The following ST3GAL1 variants were observed in gnomAD, a reference collection of about 807,000 sequenced individuals.
ST3GAL1 encodes ST3 beta-galactoside alpha-2,3-sialyltransferase 1, also known as CMP-N-acetylneuraminate-beta-galactosamide-alpha-2,3-sialyltransferase 1.
Under a neutral mutation model 34.1 loss-of-function variants are expected in ST3GAL1, and 16 were observed. The ratio of observed to expected loss-of-function variants is 0.47; its 90% CI spans 0.32 to 0.71. The LOEUF (loss-of-function observed/expected upper bound fraction) is 0.71. ST3GAL1 is among the 30% of genes least tolerant of loss of function. The probability of loss-of-function intolerance (pLI) is 0.04; values close to 1 mark genes in which losing one functional copy is unlikely to be tolerated. For synonymous variants in ST3GAL1, 191 were observed against 184.7 expected (o/e 1.03, Z -0.28); for missense variants, 353 against 447.4 (o/e 0.79, Z 1.90).
intron 2 of ST3GAL1, among the ~76,000 whole-genome samples, chr8:133,535,697 C>T (rs958600006): frequency 1.3e-5 from 2 of 152,048 alleles, no homozygotes; most frequent in African/African-American, 4.8e-5. Context: ...CTATGTTGCC[C>T]AAGCTGGTTT....
chr8:133,568,867 G>T (rs529825469), intron 1 of ST3GAL1, among the ~76,000 whole-genome samples: 1 of 152,106 alleles, frequency 6.6e-6, no homozygotes, highest in Non-Finnish European at 1.5e-5. Context: ...GACCTAGAAG[G>T]ACTCCTTCCT....
At chr8:133,539,231 C>T (rs1032359529) in intron 2 of ST3GAL1, among the ~76,000 whole-genome samples, 3 of 152,190 alleles carry the variant, frequency 2.0e-5, no homozygotes, top group African/African-American at 7.2e-5. Context: ...GCCCTGTTCC[C>T]TGAGCCCAAG....
Position 133,516,707 on chromosome 8 carries a change from C to A in ST3GAL1, c.-428-17518G>T, listed in dbSNP as rs559939412. The stretch of plus-strand genomic sequence containing the variant: ...GCAGGGCAGCAATTATAAAAGTGGC[C>A]AGCCCAATGTCACAGCTAAAACACT... On this transcript the variant is annotated intron_variant, in intron 2 of 9. Coordinates refer to ENST00000522652, the MANE Select transcript of ST3GAL1 (RefSeq NM_173344.3). Among the ~76,000 whole-genome samples, 3 of 152,314 alleles carry A rather than the reference C, an allele frequency of 2.0e-5. No individual in the cohort carries two copies. The South Asian group carries it at 6.2e-4, about 32-fold the overall frequency.
chr8:133,499,597 A>G (rs1817082475), intron 2 of ST3GAL1, among the ~76,000 whole-genome samples: 2 of 152,172 alleles, frequency 1.3e-5, no homozygotes, highest in South Asian at 4.1e-4. Flanking sequence ...AAGGATGAGG[A>G]TGGGTGGGGT....
chr8:133,544,219 C>G (rs1818614154), intron 2 of ST3GAL1: 1 of 152,274 alleles, frequency 6.6e-6, no homozygotes. Flanking sequence ...TCCATACAAA[C>G]TGTGCATCTC....
chr8:133,547,808 G>A lies in ST3GAL1; in HGVS notation c.-581-1882C>T, dbSNP rs554319490. On this transcript the variant is annotated intron_variant, in intron 1 of 9. Coordinates refer to ENST00000522652, the MANE Select transcript of ST3GAL1 (RefSeq NM_173344.3). ...ACCGCTGGCAATGGTGATACATGAG[G>A]ATAAACTTGTGTGTTAGGAAGAAAG... Among the ~76,000 whole-genome samples the A allele has an allele frequency of 7.2e-5, 11 of 152,332 alleles. 1 individual carries two copies. The highest frequency in any genetic ancestry group is 7.2e-4 in the Admixed American group (11 of 15,302).
chr8:133,463,293 A>G, intron 8 of ST3GAL1, 121 bp downstream of exon 8: 1 of 1,104,546 alleles, frequency 9.1e-7, no homozygotes, highest in Non-Finnish European at 1.3e-6. Flanking sequence ...TAAGTGGGAG[A>G]TGCTACCTCC....
rs578160686 is a variant in ST3GAL1, at chr8:133,481,630, G to T, written c.-373-5030C>A. On this transcript the variant is annotated intron_variant, in intron 3 of 9. Transcript: ENST00000522652. ...CCTGCCTCAGCCTCCTAAGTAGCTG[G>T]GACTATGGGCACATGCCACCATGCC... 6.6e-5 allele frequency among the ~76,000 whole-genome samples: 10 copies of T among 152,108 alleles called. No individual in the cohort carries two copies. The South Asian group carries it at 1.2e-3, about 19-fold the overall frequency.
intron 1 of ST3GAL1, among the ~76,000 whole-genome samples, chr8:133,557,288 A>G (rs1333008876): frequency 6.6e-6 from 1 of 152,232 alleles, no homozygotes; most frequent in Admixed American, 6.5e-5. Flanking sequence ...AGTGGAAGTC[A>G]TCCAGTCAAC....
chr8:133,506,900 G>A (rs6989679), intron 2 of ST3GAL1, among the ~76,000 whole-genome samples: 1 of 151,446 alleles, frequency 6.6e-6, no homozygotes, highest in Non-Finnish European at 1.5e-5. Flanking sequence ...CCATCCTGGC[G>A]AACACGGTGA....
At chr8:133,526,389 C>A (rs1041164343) in intron 2 of ST3GAL1, among the ~76,000 whole-genome samples, 12 of 152,098 alleles carry the variant, frequency 7.9e-5, no homozygotes, top group African/African-American at 1.2e-4. Context: ...GCTCCTAAGT[C>A]TCTCCAACCA....
intron 1 of ST3GAL1, among the ~76,000 whole-genome samples, chr8:133,553,933 AG>A (rs1563740203): frequency 6.6e-6 from 1 of 152,270 alleles, no homozygotes; most frequent in East Asian, 1.9e-4. Context: ...CAGGGTGCTA[AG>A]GGGGCCAGGA....
chr8:133,483,198 C>A (rs750366519), intron 3 of ST3GAL1, among the ~76,000 whole-genome samples: 1 of 152,090 alleles, frequency 6.6e-6, no homozygotes, highest in Admixed American at 6.6e-5. Flanking sequence ...AAAAATTAGC[C>A]GGGTGTGGTG....
chr8:133,530,218 C>T (rs1462117358), intron 2 of ST3GAL1, among the ~76,000 whole-genome samples: 11 of 152,042 alleles, frequency 7.2e-5, no homozygotes, highest in South Asian at 6.2e-4. Flanking sequence ...AGGACCTGGA[C>T]GCACAGCAGG....
chr8:133,486,567 G>A (rs938629810), intron 3 of ST3GAL1, among the ~76,000 whole-genome samples: 2 of 152,182 alleles, frequency 1.3e-5, no homozygotes, highest in Non-Finnish European at 2.9e-5. Flanking sequence ...AGAGAAACAG[G>A]GCCACAGTGA....
intron 2 of ST3GAL1, among the ~76,000 whole-genome samples, chr8:133,538,392 G>C (rs1168203760): frequency 6.6e-6 from 1 of 152,178 alleles, no homozygotes; most frequent in African/African-American, 2.4e-5. Flanking sequence ...GTGGGAGCCT[G>C]TAATCCCAAC....
intron 2 of ST3GAL1, among the ~76,000 whole-genome samples, chr8:133,505,830 T>C (rs1817316836): frequency 6.6e-6 from 1 of 152,126 alleles, no homozygotes; most frequent in African/African-American, 2.4e-5. Flanking sequence ...CTCGAACTCC[T>C]GACCCCACAA....
intron 3 of ST3GAL1, among the ~76,000 whole-genome samples, chr8:133,492,981 C>T (rs985692887): frequency 4.6e-5 from 7 of 152,124 alleles, no homozygotes; most frequent in South Asian, 4.2e-4. Flanking sequence ...TGAGCTACGC[C>T]GAATGACCGC....
chr8:133,504,470 C>G (rs919197288), intron 2 of ST3GAL1, among the ~76,000 whole-genome samples: 4 of 152,226 alleles, frequency 2.6e-5, no homozygotes, highest in African/African-American at 9.6e-5. Context: ...GCCCATTCAC[C>G]CACTGCCTGG....
Sources: gnomAD v4.1 joint callset for allele counts (sites outside exome capture counted in the v4.1 genomes callset) on GRCh38, gnomAD v4.1.1 for gene constraint, MANE v1.5 for transcripts, NCBI Gene and HGNC (gene_info 2026-07-23, HGNC 2026-07-21) for gene names.